Variants in SCN11A observed in about 807,000 individuals in gnomAD.
The protein encoded by SCN11A is sodium voltage-gated channel alpha subunit 11.
SCN11A carries 122 observed loss-of-function variants against 162.2 expected under a neutral mutation model. That is an observed-to-expected ratio of 0.75 (90% CI 0.65 to 0.87). The LOEUF (loss-of-function observed/expected upper bound fraction) is 0.87. Ranked by LOEUF, SCN11A falls within the 40% of genes least tolerant of loss-of-function variation. The pLI is 0.00. For synonymous variants in SCN11A, 758 were observed against 751.5 expected (o/e 1.01, Z -0.14); for missense variants, 2,015 against 2,181.6 (o/e 0.92, Z 1.52).
At chr3:38,858,840 A>G (rs933171128) in intron 28 of SCN11A, among the ~76,000 whole-genome samples, 4 of 152,158 alleles carry the variant, frequency 2.6e-5, no homozygotes, top group Non-Finnish European at 5.9e-5. Flanking sequence ...ACCACAGTGG[A>G]AAAAAACTGG....
intron 2 of SCN11A, among the ~76,000 whole-genome samples, chr3:38,964,585 G>A (rs2066769803): frequency 6.6e-6 from 1 of 152,200 alleles, no homozygotes; most frequent in African/African-American, 2.4e-5. Flanking sequence ...GAAGAGGTGA[G>A]ATTTAAACTG....
chr3:39,002,375 A>G (rs927982366), intron 2 of SCN11A, among the ~76,000 whole-genome samples: 1 of 152,248 alleles, frequency 6.6e-6, no homozygotes. Context: ...ATGTTTGTGA[A>G]GTAAAAAGAG....
rs142700243 is a variant in SCN11A at position 38,972,832 on chromosome 3, T to C, written c.-279-12409A>G. 5.7e-4 allele frequency among the ~76,000 whole-genome samples: 87 copies of C among 152,114 alleles called. 2 individuals carry two copies. The East Asian group carries it at 0.016, about 28-fold the overall frequency. On this transcript the variant is annotated intron_variant, in intron 2 of 29. Coordinates refer to ENST00000302328, the MANE Select transcript of SCN11A (RefSeq NM_001349253.2). ...AACACTTAATTTAACACAAAGAATC[T>C]GTTAGAGTTTGGAATTTTATTAATA... is the stretch of plus-strand genomic sequence containing the variant.
chr3:38,920,770 C>G (rs1465232677), intron 10 of SCN11A, among the ~76,000 whole-genome samples: 1 of 151,446 alleles, frequency 6.6e-6, no homozygotes, highest in African/African-American at 2.4e-5. Flanking sequence ...TTAGCCAAAT[C>G]CAAGCATTCT....
At chr3:38,851,061 G>C (rs1472947067) in intron 28 of SCN11A, among the ~76,000 whole-genome samples, 1 of 152,144 alleles carries the variant, frequency 6.6e-6, no homozygotes, top group Non-Finnish European at 1.5e-5. Flanking sequence ...GATGTGCTTT[G>C]CTGAAATAAA....
intron 1 of SCN11A, among the ~76,000 whole-genome samples, chr3:39,036,334 G>C (rs1011701970): frequency 1.3e-5 from 2 of 151,862 alleles, no homozygotes; most frequent in African/African-American, 4.8e-5. Context: ...TAGTAGAGAC[G>C]GGATTTTGCC....
chr3:39,023,439 TATTTCTATTC>T (rs2031505837), intron 2 of SCN11A, among the ~76,000 whole-genome samples: 1 of 152,240 alleles, frequency 6.6e-6, no homozygotes, highest in Non-Finnish European at 1.5e-5. Flanking sequence ...ATGACTTTTA[TATTTCTATTC>T]ATTTCTATTT....
intron 9 of SCN11A, among the ~76,000 whole-genome samples, chr3:38,922,267 C>G (rs1175118893): frequency 6.6e-6 from 1 of 152,218 alleles, no homozygotes; most frequent in Non-Finnish European, 1.5e-5. Context: ...CACCAGATAG[C>G]AGGAACCTGG....
At chr3:39,029,489 A>G (rs773042744) in intron 2 of SCN11A, among the ~76,000 whole-genome samples, 1 of 152,168 alleles carries the variant, frequency 6.6e-6, no homozygotes, top group Non-Finnish European at 1.5e-5. Flanking sequence ...GCTCACTGTC[A>G]TGTGTGTTCC....
At chr3:38,872,115 C>A in intron 24 of SCN11A, 78 bp downstream of exon 24, 1 of 901,740 alleles carries the variant, frequency 1.1e-6, no homozygotes, top group Non-Finnish European at 1.8e-6. Context: ...TTAAGGAAAT[C>A]TCAGCCCAAA....
chr3:38,938,507 A>ATCAT (rs2066373654), intron 7 of SCN11A, among the ~76,000 whole-genome samples: 3 of 105,858 alleles, frequency 2.8e-5, no homozygotes, highest in African/African-American at 1.1e-4. Flanking sequence ...AAGGAAAAAT[A>ATCAT]TCATATATAT....
chr3:38,928,922 A>G lies in SCN11A; in HGVS notation c.489-1991T>C, dbSNP rs191235292. ...ATAGACCTGCTATATGATCCAGCAA[A>G]GCCACTTCTAGGTATATGTATAAAA... On this transcript the variant is annotated intron_variant, in intron 7 of 29. Coordinates refer to ENST00000302328, the MANE Select transcript of SCN11A (RefSeq NM_001349253.2). 4.7e-3 allele frequency among the ~76,000 whole-genome samples: 718 copies of G among 152,276 alleles called. 2 individuals are homozygous for G. Among genetic ancestry groups the G allele is most frequent in the Middle Eastern group, 6.8e-3 (2 of 294 alleles).
chr3:38,968,966 C>A (rs2066800442), intron 2 of SCN11A, among the ~76,000 whole-genome samples: 1 of 152,134 alleles, frequency 6.6e-6, no homozygotes, highest in Non-Finnish European at 1.5e-5. Context: ...ATGTCCCTAC[C>A]CCACACACAG....
intron 1 of SCN11A, among the ~76,000 whole-genome samples, chr3:39,042,567 T>C (rs541859727): frequency 7.0e-4 from 106 of 152,024 alleles, no homozygotes; most frequent in Non-Finnish European, 1.3e-3. Flanking sequence ...GGAGAAAATA[T>C]TAGCAAACTA....
chr3:39,012,390 T>G (rs1274856960), intron 2 of SCN11A, among the ~76,000 whole-genome samples: 1 of 151,952 alleles, frequency 6.6e-6, no homozygotes, highest in Non-Finnish European at 1.5e-5. Context: ...CTGGATCAGC[T>G]CCTTCCTTAC....
At chr3:39,007,073 G>A (rs1467493786) in intron 2 of SCN11A, among the ~76,000 whole-genome samples, 1 of 151,902 alleles carries the variant, frequency 6.6e-6, no homozygotes, top group African/African-American at 2.4e-5. Flanking sequence ...TCCCAGAATG[G>A]AAAAACATGA....
rs1459144056 is a variant in SCN11A, at chr3:38,863,296, C to T, written c.3955G>A (p.Gly1319Ser). 2.6e-6 allele frequency: 4 copies of T among 1,532,644 alleles called. No homozygotes were observed. The African/African-American group carries it at 5.5e-5, about 21-fold the overall frequency. 94.9% of individuals were successfully genotyped at this position (1,532,644 alleles called of 1,614,324 possible). Residue 1319 changes from glycine (G) to serine (S), a missense_variant, in exon 28 of 30, where the codon GGT becomes AGT. Physicochemically the swap from Gly to Ser is moderately conservative, Grantham distance 56. Coordinates refer to ENST00000302328, the MANE Select transcript of SCN11A (RefSeq NM_001349253.2). Reference sequence around the variant, plus strand: ...TCTGTCATAAAAATGTCTTGGCCACCTAAGTATATGGAGAAGATAAGAGCT... The same window carrying T: ...TCTGTCATAAAAATGTCTTGGCCACTTAAGTATATGGAGAAGATAAGAGCT... ...DNFNQQQKKL[G>S]GQDIFMTEEQ... is the part of the protein sequence containing the mutation.
At chr3:38,967,205 G>A (rs2066788359) in intron 2 of SCN11A, among the ~76,000 whole-genome samples, 1 of 152,320 alleles carries the variant, frequency 6.6e-6, no homozygotes, top group Admixed American at 6.5e-5. Context: ...CGTATCTCCT[G>A]ATTTTCACTT....
chr3:38,910,278 T>C, intron 11 of SCN11A, 71 bp from the exon 12 acceptor site: 1 of 1,504,196 alleles, frequency 6.6e-7, no homozygotes, highest in Non-Finnish European at 9.0e-7. Flanking sequence ...TTCCAACGAC[T>C]CTGGTTTTTC....
Sources: allele counts gnomAD v4.1 joint callset (sites outside exome capture counted in the v4.1 genomes callset), GRCh38; gene constraint gnomAD v4.1.1; transcripts MANE v1.5; gene names NCBI Gene and HGNC (gene_info 2026-07-23, HGNC 2026-07-21).